Variants in SP100 observed in about 807,000 individuals in gnomAD.
The protein encoded by SP100 is SP100 nuclear body protein, also known as nuclear autoantigen Sp-100.
Under a neutral mutation model 130.0 loss-of-function variants are expected in SP100, and 84 were observed. That is an observed-to-expected ratio of 0.65 (90% CI 0.54 to 0.77). The LOEUF (loss-of-function observed/expected upper bound fraction) is 0.77, where lower values mean the gene tolerates loss of function less well. Ranked by LOEUF, SP100 falls within the 30% of genes least tolerant of loss-of-function variation. The pLI is 0.00. For missense variants in SP100, 978 were observed against 1,052.2 expected, an observed-to-expected ratio of 0.93 and a Z score of 0.97; for synonymous variants, 331 against 351.7, an observed-to-expected ratio of 0.94 and a Z score of 0.66.
chr2:230,494,893 T>C (rs1422169491), intron 18 of SP100, among the ~76,000 whole-genome samples: 1 of 152,172 alleles, frequency 6.6e-6, no homozygotes, highest in African/African-American at 2.4e-5. Context: ...CTGAGAAATA[T>C]AACGCTGGCC....
chr2:230,535,736 G>T (rs370884113), intron 24 of SP100, among the ~76,000 whole-genome samples: 1 of 151,398 alleles, frequency 6.6e-6, no homozygotes, highest in South Asian at 2.1e-4. Flanking sequence ...GTGAAACCCC[G>T]TCTCTACTAA....
chr2:230,452,180 A>G (rs1559495964), intron 8 of SP100, among the ~76,000 whole-genome samples: 1 of 145,172 alleles, frequency 6.9e-6, no homozygotes, highest in Non-Finnish European at 1.5e-5. Flanking sequence ...TGCCATTTGA[A>G]TTTTTTTTTT....
At chr2:230,492,865 T>C (rs537604186) in intron 17 of SP100, among the ~76,000 whole-genome samples, 3 of 152,370 alleles carry the variant, frequency 2.0e-5, no homozygotes, top group Admixed American at 2.0e-4. Flanking sequence ...TCTTTGTTTC[T>C]AGAAATATCT....
chr2:230,444,288 C>T lies in SP100; in HGVS notation c.381C>T (p.Ser127=), dbSNP rs139939504. Residue 127 remains serine, a synonymous_variant, in exon 4 of 29, where the codon AGC becomes AGT. Coordinates refer to ENST00000340126, the MANE Select transcript of SP100 (RefSeq NM_001080391.2). ...TGCCAGTTCTGGAAGCACTGTTCAG[C>T]GATGTCAACATGCAGGAATACCCCG... ...FNLPVLEALF[S]DVNMQEYPDL... 3 of 1,613,684 alleles carry T rather than the reference C, an allele frequency of 1.9e-6. No homozygotes were observed. In the African/African-American group the frequency reaches 4.0e-5, roughly 22 times the overall value.
At chr2:230,440,965 A>G (rs1487466213) in intron 2 of SP100, among the ~76,000 whole-genome samples, 2 of 152,158 alleles carry the variant, frequency 1.3e-5, no homozygotes, top group African/African-American at 4.8e-5. Context: ...AAAGAAAAAA[A>G]AATAAATTGG....
At chr2:230,502,050 T>A (rs796816517) in intron 19 of SP100, among the ~76,000 whole-genome samples, 57 of 149,304 alleles carry the variant, frequency 3.8e-4, no homozygotes, top group Middle Eastern at 3.4e-3. Flanking sequence ...TTTTTTTTTT[T>A]AATTTTTAGT....
At chr2:230,537,583 A>G (rs1032699097) in intron 24 of SP100, 6 of 152,208 alleles carry the variant, frequency 3.9e-5, no homozygotes, top group Non-Finnish European at 5.9e-5. Context: ...ACTTTCCTAG[A>G]CAAACTTGTA....
In SP100 at chr2:230,508,030, A is replaced by G; in HGVS notation, c.2051A>G (p.Lys684Arg). The G allele has an allele frequency of 2.5e-6, 4 of 1,613,406 alleles. No homozygotes were observed. The highest frequency in any genetic ancestry group is 3.4e-6 in the Non-Finnish European group (4 of 1,179,656). The change falls in exon 23 of 29, where the codon AAG (lysine) becomes AGG (arginine). Residue 684 changes from lysine to arginine, a missense_variant and splice_region_variant. By Grantham distance (26) the Lys-to-Arg change is conservative. Coordinates refer to ENST00000340126, the MANE Select transcript of SP100 (RefSeq NM_001080391.2). ...FLPEPPSTRK[K>R]RILESHNNTL... ...CCAGAACCACCAAGCACAAGAAAAA[A>G]GGTGATGATCAAGTGATCTTCTGCC...
chr2:230,545,037 T>A lies in SP100; in HGVS notation c.*2091T>A, dbSNP rs1293419342. 3.3e-5 allele frequency among the ~76,000 whole-genome samples: 5 copies of A among 152,188 alleles called. No homozygotes were observed. The highest frequency in any genetic ancestry group is 7.3e-5 in the Non-Finnish European group (5 of 68,032). ...AAAGCAGTGTGGCAACTCCTCATAG[T>A]GCTAAAAGCAGAACTGCCATTCCAC... is the stretch of plus-strand genomic sequence containing the variant. On this transcript the variant is annotated 3_prime_UTR_variant, in exon 29 of 29. Transcript: ENST00000340126.
chr2:230,451,246 ATTCCCACCAACAGTGTACAAAGG>A (rs1334620277), intron 8 of SP100, among the ~76,000 whole-genome samples: 1 of 152,208 alleles, frequency 6.6e-6, no homozygotes, highest in Non-Finnish European at 1.5e-5. Context: ...AGCAATTTAC[ATTCCCACCAACAGTGTACAAAGG>A]TTCCCTTTTC....
intron 15 of SP100, 27 bp from the exon 16 acceptor site, chr2:230,473,297 T>C (rs1575686930): frequency 6.5e-7 from 1 of 1,539,924 alleles, no homozygotes; most frequent in South Asian, 1.1e-5. Flanking sequence ...TGGGCACAAA[T>C]AAAAATGTTT....
chr2:230,526,332 G>A (rs957897458), intron 24 of SP100, among the ~76,000 whole-genome samples: 1 of 152,204 alleles, frequency 6.6e-6, no homozygotes, highest in African/African-American at 2.4e-5. Context: ...CTGACTGTTA[G>A]AAGGAAAACT....
chr2:230,491,052 A>T (rs1028028160), intron 17 of SP100, among the ~76,000 whole-genome samples: 3 of 152,134 alleles, frequency 2.0e-5, no homozygotes, highest in African/African-American at 7.2e-5. Context: ...CTCCTGGATA[A>T]TATCCAGAAG....
intron 8 of SP100, among the ~76,000 whole-genome samples, chr2:230,452,275 T>C (rs540001141): frequency 2.1e-4 from 32 of 152,216 alleles, no homozygotes; most frequent in African/African-American, 6.7e-4. Flanking sequence ...CCTCACAGAT[T>C]CAAGTAATTA....
chr2:230,540,849 T>C (rs777530653), intron 25 of SP100, 27 bp from the exon 26 acceptor site: 5 of 1,589,928 alleles, frequency 3.1e-6, no homozygotes, highest in Non-Finnish European at 4.3e-6. Context: ...GAACCTGCCA[T>C]TGCTCACTTT....
chr2:230,506,300 C>G lies in SP100; in HGVS notation c.1871-3C>G. On this transcript the variant is annotated splice_region_variant and splice_polypyrimidine_tract_variant and intron_variant, in intron 21 of 28. Transcript: ENST00000340126. ...GGGAGCTCACTTTGCCTTGGTCTTA[C>G]AGGAACCTCAAAGAAGTGTATACAG... 1 of 1,613,550 alleles carries G rather than the reference C, an allele frequency of 6.2e-7. No individual in the cohort carries two copies. Among genetic ancestry groups the G allele is most frequent in the African/African-American group, 1.3e-5 (1 of 75,012 alleles).
At chr2:230,479,422 T>C (rs2065726933) in intron 17 of SP100, among the ~76,000 whole-genome samples, 1 of 152,228 alleles carries the variant, frequency 6.6e-6, no homozygotes, top group South Asian at 2.1e-4. Flanking sequence ...GGCCTTTCTT[T>C]ATACCACTTC....
At chr2:230,508,322 T>TTTTC (rs1291424090) in intron 23 of SP100, 1 of 344,634 alleles carries the variant, frequency 2.9e-6, no homozygotes, top group African/African-American at 2.2e-5. Flanking sequence ...TTTTTTTTTT[T>TTTTC]TTTTTTTTTA....
chr2:230,470,257 A>G, intron 15 of SP100, 159 bp downstream of exon 15: 4 of 1,347,850 alleles, frequency 3.0e-6, no homozygotes, highest in Non-Finnish European at 2.9e-6. Context: ...GGAAAGAGGC[A>G]GGAAATTATG....
Sources: gnomAD v4.1 joint callset for allele counts (sites outside exome capture counted in the v4.1 genomes callset) on GRCh38, gnomAD v4.1.1 for gene constraint, MANE v1.5 for transcripts, NCBI Gene and HGNC (gene_info 2026-07-23, HGNC 2026-07-21) for gene names.